Variants in LRP1B observed in about 807,000 individuals in gnomAD.
LRP1B encodes the protein low-density lipoprotein receptor-related protein 1B.
In LRP1B, 217 loss-of-function variants were observed where a neutral mutation model predicts 556.6. That is an observed-to-expected ratio of 0.39 (90% confidence interval 0.35 to 0.44). LRP1B has a LOEUF of 0.44. Among genes scored for constraint, LRP1B ranks in the 20% least tolerant of loss-of-function variants. LRP1B has a pLI of 1.00. For missense variants in LRP1B, 5,053 were observed against 5,620.8 expected (o/e 0.90, Z 3.23); for synonymous variants, 2,047 against 1,865.8 (o/e 1.10, Z -2.50).
intron 66 of LRP1B, among the ~76,000 whole-genome samples, chr2:140,423,366 G>A (rs1175477719): frequency 6.6e-6 from 1 of 151,956 alleles, no homozygotes; most frequent in Non-Finnish European, 1.5e-5. Flanking sequence ...GAAAAGGAAA[G>A]CTTTTTTTTA....
intron 2 of LRP1B, among the ~76,000 whole-genome samples, chr2:141,590,489 A>G (rs1323727776): frequency 6.6e-6 from 1 of 152,160 alleles, no homozygotes; most frequent in Non-Finnish European, 1.5e-5. Flanking sequence ...CTTAAGCTTC[A>G]AACATTTATG....
At position 141,856,042 on chromosome 2, in the gene LRP1B, G is replaced by A. The variant is rs980590040; in HGVS notation, c.83-45641C>T. 2.0e-5 allele frequency among the ~76,000 whole-genome samples: 3 copies of A among 152,264 alleles called. No homozygotes were observed. The East Asian group carries it at 5.8e-4, about 29-fold the overall frequency. On this transcript the variant is annotated intron_variant, in intron 1 of 90. Transcript: ENST00000389484. ...TGCTATGTAAATGCAATTACCTTAA[G>A]TGCTTTCCCTTTTCATCCAAAAGAG...
chr2:141,753,506 T>C (rs1280245077), intron 2 of LRP1B, among the ~76,000 whole-genome samples: 1 of 151,810 alleles, frequency 6.6e-6, no homozygotes, highest in African/African-American at 2.4e-5. Context: ...CATTGCTTAT[T>C]AGGCCCATAA....
At chr2:141,901,584 A>G (rs1699619728) in intron 1 of LRP1B, among the ~76,000 whole-genome samples, 2 of 151,946 alleles carry the variant, frequency 1.3e-5, no homozygotes, top group Admixed American at 1.3e-4. Flanking sequence ...ATTTATGTGC[A>G]GCAAATTTCA....
At chr2:140,418,941 C>G (rs1208050751) in intron 66 of LRP1B, among the ~76,000 whole-genome samples, 1 of 152,014 alleles carries the variant, frequency 6.6e-6, no homozygotes, top group Non-Finnish European at 1.5e-5. Flanking sequence ...TTCTTAGTAA[C>G]TTCTTAACAC....
At chr2:141,959,499 A>G (rs548460284) in intron 1 of LRP1B, among the ~76,000 whole-genome samples, 1 of 152,066 alleles carries the variant, frequency 6.6e-6, no homozygotes, top group Admixed American at 6.6e-5. Flanking sequence ...TCTTTTTACA[A>G]ATATGGGTTG....
chr2:141,063,696 T>C (rs866299866), intron 7 of LRP1B, among the ~76,000 whole-genome samples: 1 of 151,836 alleles, frequency 6.6e-6, no homozygotes, highest in African/African-American at 2.4e-5. Context: ...AATCAATTTG[T>C]TCATAGCTAT....
chr2:141,392,968 T>C (rs1690109640), intron 3 of LRP1B, among the ~76,000 whole-genome samples: 2 of 152,148 alleles, frequency 1.3e-5, no homozygotes, highest in Non-Finnish European at 2.9e-5. Flanking sequence ...AGACTTAGGT[T>C]CAGATCTTTC....
At chr2:140,305,430 A>C (rs1411787990) in intron 83 of LRP1B, among the ~76,000 whole-genome samples, 1 of 152,094 alleles carries the variant, frequency 6.6e-6, no homozygotes, top group Non-Finnish European at 1.5e-5. Flanking sequence ...TGTGAATGGG[A>C]GTTCACTCAT....
intron 2 of LRP1B, among the ~76,000 whole-genome samples, chr2:141,556,557 G>A (rs1227686531): frequency 9.9e-5 from 15 of 151,812 alleles, no homozygotes; most frequent in African/African-American, 3.6e-4. Flanking sequence ...TTGATTGGGG[G>A]TACTTATTAA....
At chr2:140,358,246 C>T (rs1682326592) in intron 73 of LRP1B, 130 bp from the exon 74 acceptor site, 3 of 788,900 alleles carry the variant, frequency 3.8e-6, no homozygotes, top group Non-Finnish European at 5.7e-6. Context: ...CTGAAGCTCT[C>T]AAGGCCAAAT....
chr2:141,419,848 T>TATTTCATTTC (rs146638891), intron 3 of LRP1B, among the ~76,000 whole-genome samples: 2 of 151,038 alleles, frequency 1.3e-5, no homozygotes, highest in Admixed American at 6.6e-5. Context: ...TTGAGATCTT[T>TATTTCATTTC]ATTTCATTTC....
At chr2:141,899,337 G>A (rs2104930458) in intron 1 of LRP1B, among the ~76,000 whole-genome samples, 1 of 152,148 alleles carries the variant, frequency 6.6e-6, no homozygotes, top group Admixed American at 6.5e-5. Flanking sequence ...CCTGTCATGT[G>A]GCATATGCTG....
At chr2:141,907,281 C>G (rs1318763344) in intron 1 of LRP1B, among the ~76,000 whole-genome samples, 1 of 151,700 alleles carries the variant, frequency 6.6e-6, no homozygotes, top group African/African-American at 2.4e-5. Flanking sequence ...ATAGAGAACT[C>G]AATTCTCGGT....
chr2:141,414,232 T>C lies in LRP1B; in HGVS notation c.343+66164A>G, dbSNP rs373265522. 1.6e-3 allele frequency among the ~76,000 whole-genome samples: 169 copies of C among 103,656 alleles called. No homozygotes were observed. The East Asian group carries it at 0.026, about 16-fold the overall frequency. The allele number at this position is 103,656 out of a possible 152,430, so 68.0% of individuals were successfully genotyped here. A position where few individuals can be genotyped will look rare whatever the true frequency, so the allele number is the denominator to read the frequency against. ...AGCCTGGGCGACAAGAGTGAGACTCTATCTCAAAAAAAAAAAAAAAAGAAA... is the reference window on the plus strand; with the variant it reads ...AGCCTGGGCGACAAGAGTGAGACTCCATCTCAAAAAAAAAAAAAAAAGAAA... On this transcript the variant is annotated intron_variant, in intron 3 of 90. Transcript: ENST00000389484.
At chr2:141,622,869 T>C (rs1409008090) in intron 2 of LRP1B, among the ~76,000 whole-genome samples, 2 of 152,174 alleles carry the variant, frequency 1.3e-5, no homozygotes, top group East Asian at 3.9e-4. Context: ...TGCAGAGCTA[T>C]GAAGTGTTCT....
At chr2:141,525,812 T>G (rs1684677645) in intron 2 of LRP1B, among the ~76,000 whole-genome samples, 1 of 152,074 alleles carries the variant, frequency 6.6e-6, no homozygotes. Context: ...TTTGGATTTC[T>G]GATAAACAAC....
At chr2:141,451,930 C>T (rs1013169272) in intron 3 of LRP1B, among the ~76,000 whole-genome samples, 2 of 152,114 alleles carry the variant, frequency 1.3e-5, no homozygotes, top group East Asian at 3.9e-4. Flanking sequence ...CTTAGTGACC[C>T]TGTTGGATAT....
At chr2:140,953,428 A>T (rs761899251) in intron 18 of LRP1B, among the ~76,000 whole-genome samples, 9 of 152,192 alleles carry the variant, frequency 5.9e-5, no homozygotes, top group Non-Finnish European at 7.4e-5. Context: ...GAAGCCAATG[A>T]CATTTTGTGA....
Sources: gnomAD v4.1 joint callset for allele counts (sites outside exome capture counted in the v4.1 genomes callset) on GRCh38, gnomAD v4.1.1 for gene constraint, MANE v1.5 for transcripts, NCBI Gene and HGNC (gene_info 2026-07-23, HGNC 2026-07-21) for gene names.